The following DPP6 variants were observed in gnomAD, a reference collection of about 807,000 sequenced individuals.
DPP6 encodes A-type potassium channel modulatory protein DPP6.
Under a neutral mutation model 122.6 loss-of-function variants are expected in DPP6, and 69 were observed. That is an observed-to-expected ratio of 0.56 (90% confidence interval 0.46 to 0.69). DPP6 has a LOEUF of 0.69. Ranked by LOEUF, DPP6 falls within the 30% of genes least tolerant of loss-of-function variation. DPP6 has a pLI of 0.00. For synonymous variants in DPP6, 418 were observed against 433.1 expected, an observed-to-expected ratio of 0.97 and a Z score of 0.43; for missense variants, 928 against 1,116.9, an observed-to-expected ratio of 0.83 and a Z score of 2.41.
chr7:154,356,576 C>T (rs542863092), intron 1 of DPP6, among the ~76,000 whole-genome samples: 10 of 151,746 alleles, frequency 6.6e-5, no homozygotes, highest in South Asian at 2.1e-4. Flanking sequence ...CCCCAACCCC[C>T]CCACCAAAAA....
chr7:154,406,892 C>G (rs1291533069), intron 1 of DPP6, among the ~76,000 whole-genome samples: 2 of 152,192 alleles, frequency 1.3e-5, no homozygotes, highest in Non-Finnish European at 2.9e-5. Flanking sequence ...GACCACACAT[C>G]TGTTCCCAGC....
At chr7:153,787,928 AAGGTAG>A in the DPP6 span, among the ~76,000 whole-genome samples, 1 of 150,848 alleles carries the variant, frequency 6.6e-6, no homozygotes, top group African/African-American at 2.4e-5. Context: ...GACACCTTAG[AAGGTAG>A]AGCAGTTGAA....
At chr7:154,098,490 C>T (rs1259205647) in intron 1 of DPP6, among the ~76,000 whole-genome samples, 3 of 152,214 alleles carry the variant, frequency 2.0e-5, no homozygotes, top group East Asian at 1.9e-4. Flanking sequence ...TAAAGTGAGA[C>T]TCAGGTCTAG....
Position 154,005,648 on chromosome 7 carries a change from T to C in DPP6, c.51+117914T>C, listed in dbSNP as rs1357170268. Among the ~76,000 whole-genome samples the C allele has an allele frequency of 2.2e-5, 3 of 138,430 alleles. No homozygotes were observed. The Admixed American group carries it at 2.5e-4, about 11-fold the overall frequency. 90.8% of individuals were successfully genotyped at this position (138,430 alleles called of 152,430 possible). A position where few individuals can be genotyped will look rare whatever the true frequency, so the allele number is the denominator to read the frequency against. On this transcript the variant is annotated intron_variant, in intron 1 of 25. Coordinates refer to the DPP6 transcript ENST00000404039. ...AGGCAGGTGACGTCGCCCAGGAGGC[T>C]GGACCTCGGGGATTGTGGTTCTGTC...
intron 1 of DPP6, among the ~76,000 whole-genome samples, chr7:154,374,077 A>T (rs1262111686): frequency 6.6e-6 from 1 of 152,204 alleles, no homozygotes; most frequent in African/African-American, 2.4e-5. Flanking sequence ...TGCTTCCAGA[A>T]ATCTGCCTAA....
intron 1 of DPP6, among the ~76,000 whole-genome samples, chr7:154,346,855 C>T (rs1004004453): frequency 6.6e-6 from 1 of 152,166 alleles, no homozygotes; most frequent in African/African-American, 2.4e-5. Context: ...AATATTGACT[C>T]TGGAGTTTCA....
chr7:154,153,600 C>G (rs1160940353), intron 1 of DPP6, among the ~76,000 whole-genome samples: 2 of 152,220 alleles, frequency 1.3e-5, no homozygotes, highest in Non-Finnish European at 2.9e-5. Context: ...CAGGTCCACC[C>G]TCTGCTGGTC....
At position 154,750,201 on chromosome 7, in the gene DPP6, C is replaced by A. The variant is rs907843247; in HGVS notation, c.884-19216C>A. 5.9e-5 allele frequency among the ~76,000 whole-genome samples: 9 copies of A among 152,204 alleles called. No individual in the cohort carries two copies. In the East Asian group the frequency reaches 1.5e-3, roughly 26 times the overall value. On this transcript the variant is annotated intron_variant, in intron 8 of 25. Coordinates refer to ENST00000377770, the MANE Select transcript of DPP6 (RefSeq NM_130797.4). ...GGTCTTTACAGAGAAAGGCTCCATCCAATCTGAAAGGCCTGCAGCAGGCAG... is the reference window on the plus strand; with the variant it reads ...GGTCTTTACAGAGAAAGGCTCCATCAAATCTGAAAGGCCTGCAGCAGGCAG...
At chr7:154,784,793 C>A (rs1321666412) in intron 10 of DPP6, among the ~76,000 whole-genome samples, 1 of 152,184 alleles carries the variant, frequency 6.6e-6, no homozygotes, top group East Asian at 1.9e-4. Flanking sequence ...CTACCTCAGT[C>A]CACAGACCCG....
chr7:154,122,064 T>C (rs1585421242), intron 1 of DPP6, among the ~76,000 whole-genome samples: 1 of 152,222 alleles, frequency 6.6e-6, no homozygotes. Flanking sequence ...TTTAGTACAA[T>C]TGAGAAATTT....
intron 8 of DPP6, among the ~76,000 whole-genome samples, chr7:154,740,303 T>C (rs1842758691): frequency 6.6e-6 from 1 of 152,130 alleles, no homozygotes; most frequent in Non-Finnish European, 1.5e-5. Flanking sequence ...AATTTCTTTT[T>C]TTTTTTTTTC....
intron 1 of DPP6, among the ~76,000 whole-genome samples, chr7:154,203,853 G>A (rs1799299023): frequency 6.6e-6 from 1 of 152,118 alleles, no homozygotes; most frequent in Admixed American, 6.5e-5. Context: ...CATTTACTTT[G>A]CCTCAGTTTC....
At chr7:153,764,521 T>G in the DPP6 span, among the ~76,000 whole-genome samples, 1 of 151,864 alleles carries the variant, frequency 6.6e-6, no homozygotes, top group South Asian at 2.1e-4. Context: ...CAGCGTCACA[T>G]GGTGGTTATG....
intron 1 of DPP6, among the ~76,000 whole-genome samples, chr7:153,974,722 C>G (rs541527812): frequency 3.9e-5 from 6 of 152,312 alleles, no homozygotes; most frequent in Admixed American, 2.6e-4. Context: ...CATCTAGTCT[C>G]ATTTCAGGGT....
chr7:154,484,733 A>G (rs1823638768), intron 3 of DPP6, among the ~76,000 whole-genome samples: 1 of 152,214 alleles, frequency 6.6e-6, no homozygotes, highest in Non-Finnish European at 1.5e-5. Flanking sequence ...TAATCCAGCC[A>G]CTTGTTAGCA....
At chr7:154,309,864 G>A (rs1430534599) in intron 1 of DPP6, among the ~76,000 whole-genome samples, 2 of 152,302 alleles carry the variant, frequency 1.3e-5, no homozygotes, top group Non-Finnish European at 2.9e-5. Flanking sequence ...CAGTTCACAC[G>A]GACATTGGAT....
rs1396314416 is a variant in DPP6, at chr7:154,403,739, G to A, written c.244-42475G>A. Among the ~76,000 whole-genome samples, 2 of 152,224 alleles carry A rather than the reference G, an allele frequency of 1.3e-5. No homozygotes were observed. Among genetic ancestry groups the A allele is most frequent in the Admixed American group, 6.5e-5 (1 of 15,290 alleles). ...AGTCCATTCAGGGGTGCAGGAGCTG[G>A]TAGCTGAGTTCCCCTTCCTGTTTTA... On this transcript the variant is annotated intron_variant, in intron 1 of 25. Coordinates refer to ENST00000377770, the MANE Select transcript of DPP6 (RefSeq NM_130797.4). The surrounding 1 kb of genome is among the most constrained non-coding windows in gnomAD (Gnocchi z 4.1).
rs529042645 is a variant in DPP6, at chr7:153,909,442, A to G, written c.51+21708A>G. Among the ~76,000 whole-genome samples, 27 of 143,434 alleles carry G rather than the reference A, an allele frequency of 1.9e-4. 1 individual carries two copies. In the East Asian group the frequency reaches 4.7e-3, roughly 25 times the overall value. 94.1% of individuals were successfully genotyped at this position (143,434 alleles called of 152,430 possible). Reference sequence around the variant, plus strand: ...TTTTACATTTATCTATCTTAAAAAAAACTTAAAAACTCACAAGACAACTTC... The same window carrying G: ...TTTTACATTTATCTATCTTAAAAAAGACTTAAAAACTCACAAGACAACTTC... On this transcript the variant is annotated intron_variant, in intron 1 of 25. Transcript: ENST00000404039.
Position 153,952,948 on chromosome 7 carries a change from C to T in DPP6, c.51+65214C>T, listed in dbSNP as rs967723406. On this transcript the variant is annotated intron_variant, in intron 1 of 25. Transcript: ENST00000404039. ...TTGCATAGTCAAGCATATCTTAATC[C>T]AGGAGAAAATTATTTTTGTAAACCT... Among the ~76,000 whole-genome samples the T allele has an allele frequency of 2.3e-4, 35 of 152,144 alleles. 1 individual carries two copies. The highest frequency in any genetic ancestry group is 6.0e-4 in the African/African-American group (25 of 41,422).
Sources: allele counts gnomAD v4.1 joint callset (sites outside exome capture counted in the v4.1 genomes callset), GRCh38; gene constraint gnomAD v4.1.1; non-coding constraint Gnocchi (gnomAD v3.1); transcripts MANE v1.5; gene names NCBI Gene and HGNC (gene_info 2026-07-23, HGNC 2026-07-21).